Variants in SMIM36 observed in about 807,000 individuals in gnomAD.
SMIM36 encodes small integral membrane protein 36.
At chr17:55,515,086 GTTTTTTTTTTTTTTTTTT>G (rs1158864125), upstream of SMIM36, among the ~76,000 whole-genome samples, 1 of 54,086 alleles carries the variant, frequency 1.8e-5, no homozygotes, top group African/African-American at 1.0e-4. Flanking sequence ...CTAGTCTAGT[GTTTTTTTTTTTTTTTTTT>G]TTTTTTTTTT....
At chr17:55,467,866 T>A (rs182989972) in intron 3 of SMIM36, among the ~76,000 whole-genome samples, 5 of 152,264 alleles carry the variant, frequency 3.3e-5, no homozygotes, top group African/African-American at 1.2e-4. Flanking sequence ...GTTCCTGCCT[T>A]AACTGATGAC....
upstream of SMIM36, among the ~76,000 whole-genome samples, chr17:55,515,084 GTGTTTT>G (rs1278828717): frequency 0.017 from 955 of 56,106 alleles, 75 homozygotes; most frequent in African/African-American, 0.03. Context: ...TTCTAGTCTA[GTGTTTT>G]TTTTTTTTTT....
At chr17:55,528,556 T>C in the SMIM36 span, among the ~76,000 whole-genome samples, 1 of 136,806 alleles carries the variant, frequency 7.3e-6, no homozygotes, top group South Asian at 2.2e-4. Flanking sequence ...TTTTCTTTTC[T>C]TTTTTTTTTT....
In SMIM36 at chr17:55,486,408, CCT is replaced by C. The variant is rs1206420460; in HGVS notation, c.*175-6830_*175-6829del. On this transcript the variant is annotated intron_variant, in intron 1 of 4. Coordinates refer to ENST00000636752, the Ensembl canonical transcript of SMIM36. The stretch of plus-strand genomic sequence containing the variant: ...CAGATGAGGTTTACCTTGGCATGTT[CCT>C]CTCTCTATCTCTGGGTGCTCCTACC... Among the ~76,000 whole-genome samples, 5 of 152,078 alleles carry C rather than the reference CCT, an allele frequency of 3.3e-5. No homozygotes were observed. In the East Asian group the frequency reaches 9.6e-4, roughly 29 times the overall value.
chr17:55,523,624 C>T, the SMIM36 span, among the ~76,000 whole-genome samples: 5 of 151,704 alleles, frequency 3.3e-5, no homozygotes, highest in Non-Finnish European at 1.5e-5. Flanking sequence ...GACCTGCAGA[C>T]ATCTTGATCT....
intron 1 of SMIM36, among the ~76,000 whole-genome samples, chr17:55,488,001 C>A (rs545798617): frequency 4.6e-4 from 70 of 152,204 alleles, no homozygotes; most frequent in African/African-American, 1.6e-3. Flanking sequence ...CAGTAAGAGG[C>A]GAGGTGAGTA....
At chr17:55,518,409 C>T in the SMIM36 span, among the ~76,000 whole-genome samples, 10 of 152,324 alleles carry the variant, frequency 6.6e-5, no homozygotes, top group East Asian at 1.5e-3. Flanking sequence ...TTGGGGAACA[C>T]TATTCAAACT....
chr17:55,460,178 C>G (rs952005637), intron 4 of SMIM36, among the ~76,000 whole-genome samples: 1 of 151,856 alleles, frequency 6.6e-6, no homozygotes. Context: ...GCCTGTAACC[C>G]CAGCACTTTG....
intron 3 of SMIM36, among the ~76,000 whole-genome samples, chr17:55,473,832 CTG>C (rs1909382043): frequency 1.3e-5 from 2 of 152,224 alleles, no homozygotes; most frequent in Non-Finnish European, 2.9e-5. Context: ...TGCCCAATTT[CTG>C]CCTCCAAAGA....
chr17:55,456,116 C>CA (rs10546288), intron 4 of SMIM36, among the ~76,000 whole-genome samples: 1,050 of 39,508 alleles, frequency 0.027, 67 homozygotes, highest in African/African-American at 0.046. Flanking sequence ...AAAACTGTCT[C>CA]AAAAAAAAAA....
chr17:55,527,076 T>A, the SMIM36 span: 1 of 152,220 alleles, frequency 6.6e-6, no homozygotes, highest in South Asian at 2.1e-4. Flanking sequence ...ATCTTTTGTT[T>A]GGCAGATTTG....
intron 1 of SMIM36, among the ~76,000 whole-genome samples, chr17:55,501,377 TTATAGAATATAATATATTA>T (rs1204283711): frequency 8.9e-4 from 74 of 82,832 alleles, no homozygotes; most frequent in Non-Finnish European, 1.2e-3. Context: ...ATATTATATA[TTATAGAATATAATATATTA>T]TATATTATTA....
the SMIM36 span, among the ~76,000 whole-genome samples, chr17:55,518,885 A>G: frequency 6.6e-6 from 1 of 152,196 alleles, no homozygotes; most frequent in Non-Finnish European, 1.5e-5. Flanking sequence ...GGAAACGTGG[A>G]ACTAGAGGTA....
intron 4 of SMIM36, among the ~76,000 whole-genome samples, chr17:55,452,271 G>A (rs73318266): frequency 0.051 from 7,721 of 152,196 alleles, 694 homozygotes; most frequent in African/African-American, 0.18. Context: ...AGAACTCTTG[G>A]TGTAGAAACT....
upstream of SMIM36, among the ~76,000 whole-genome samples, chr17:55,514,204 G>T (rs954789653): frequency 2.0e-4 from 30 of 152,016 alleles, no homozygotes; most frequent in African/African-American, 7.0e-4. Flanking sequence ...CCATCTAGTG[G>T]CCAAAGCAGG....
intron 4 of SMIM36, among the ~76,000 whole-genome samples, chr17:55,454,826 T>C (rs1361361577): frequency 6.6e-6 from 1 of 152,244 alleles, no homozygotes; most frequent in Non-Finnish European, 1.5e-5. Context: ...CGATGCATCA[T>C]AAATATTTTC....
At chr17:55,515,086 G>GTTTT (rs1158864125), upstream of SMIM36, among the ~76,000 whole-genome samples, 625 of 54,028 alleles carry the variant, frequency 0.012, 133 homozygotes, top group Middle Eastern at 0.037. Context: ...CTAGTCTAGT[G>GTTTT]TTTTTTTTTT....
intron 4 of SMIM36, among the ~76,000 whole-genome samples, chr17:55,454,344 G>A (rs953510378): frequency 6.6e-6 from 1 of 152,136 alleles, no homozygotes; most frequent in Non-Finnish European, 1.5e-5. Flanking sequence ...TTACAAAAGA[G>A]AAAGAACCGC....
chr17:55,510,853 A>C, intron 1 of SMIM36, 26 bp downstream of exon 1: 1 of 357,370 alleles, frequency 2.8e-6, no homozygotes, highest in Non-Finnish European at 5.0e-6. Context: ...GGAGAATTTG[A>C]CTAAAGACCA....
Sources: gnomAD v4.1 joint callset for allele counts (sites outside exome capture counted in the v4.1 genomes callset) on GRCh38, gnomAD v4.1.1 for gene constraint, MANE v1.5 for transcripts, NCBI Gene and HGNC (gene_info 2026-07-23, HGNC 2026-07-21) for gene names.